DLG2: variants seen among roughly 807,000 people sequenced by gnomAD.
The protein encoded by DLG2 is disks large homolog 2.
DLG2 carries 45 observed loss-of-function variants against 132.5 expected under a neutral mutation model. The observed-to-expected ratio is 0.34, with a 90% confidence interval of 0.27 to 0.44. The LOEUF is 0.44. DLG2 is among the 20% of genes least tolerant of loss of function. The pLI, the probability that DLG2 is intolerant of heterozygous loss-of-function variation, is 1.00. For synonymous variants in DLG2, 424 were observed against 419.6 expected, an observed-to-expected ratio of 1.01 and a Z score of -0.13; for missense variants, 1,045 against 1,196.9, an observed-to-expected ratio of 0.87 and a Z score of 1.87.
chr11:83,890,342 A>G (rs895947295), intron 15 of DLG2, among the ~76,000 whole-genome samples: 1 of 151,866 alleles, frequency 6.6e-6, no homozygotes. Flanking sequence ...TTTTTGGAAA[A>G]AAGGGCAGAG....
intron 6 of DLG2, among the ~76,000 whole-genome samples, chr11:85,084,445 A>G (rs1001312563): frequency 7.2e-5 from 11 of 152,184 alleles, no homozygotes; most frequent in African/African-American, 2.7e-4. Context: ...GTTGAGAGCA[A>G]GAGTGTAGTT....
intron 18 of DLG2, among the ~76,000 whole-genome samples, chr11:83,773,169 A>G (rs2153794206): frequency 6.6e-6 from 1 of 152,344 alleles, no homozygotes; most frequent in East Asian, 1.9e-4. Context: ...ATGGAACCAG[A>G]GCATCTGGGT....
chr11:83,994,087 GACC>G (rs1044115954), intron 11 of DLG2, among the ~76,000 whole-genome samples: 1 of 150,340 alleles, frequency 6.7e-6, no homozygotes, highest in Admixed American at 6.6e-5. Flanking sequence ...TCTCTCCACT[GACC>G]ACATCTAACG....
intron 19 of DLG2, among the ~76,000 whole-genome samples, chr11:83,616,834 T>G (rs916799279): frequency 1.3e-5 from 2 of 152,198 alleles, no homozygotes; most frequent in Admixed American, 6.5e-5. Flanking sequence ...TAGTGTGAGG[T>G]TGGGTCAAGA....
chr11:83,636,182 C>T (rs954868391), intron 18 of DLG2, among the ~76,000 whole-genome samples: 1 of 152,160 alleles, frequency 6.6e-6, no homozygotes, highest in Non-Finnish European at 1.5e-5. Flanking sequence ...AAGTCCCAAC[C>T]CTCATTTAAT....
intron 11 of DLG2, among the ~76,000 whole-genome samples, chr11:84,044,245 C>T (rs1463577393): frequency 6.6e-6 from 1 of 151,796 alleles, no homozygotes; most frequent in Non-Finnish European, 1.5e-5. Flanking sequence ...CATTAGAACA[C>T]CACCTAATAC....
At chr11:84,689,982 C>T (rs1228466520) in intron 6 of DLG2, among the ~76,000 whole-genome samples, 2 of 151,890 alleles carry the variant, frequency 1.3e-5, no homozygotes, top group African/African-American at 4.8e-5. Flanking sequence ...ACCTGGAGGA[C>T]ATTATGCTAA....
At chr11:83,960,561 G>A (rs1457013063) in intron 14 of DLG2, among the ~76,000 whole-genome samples, 1 of 151,706 alleles carries the variant, frequency 6.6e-6, no homozygotes, top group African/African-American at 2.4e-5. Flanking sequence ...AATAAATTAG[G>A]CTTTGTGGAA....
intron 16 of DLG2, among the ~76,000 whole-genome samples, chr11:83,838,047 C>G (rs891076455): frequency 7.5e-5 from 11 of 146,086 alleles, no homozygotes; most frequent in Admixed American, 2.7e-4. Context: ...CTATATAGTA[C>G]ATATAGATGG....
intron 7 of DLG2, among the ~76,000 whole-genome samples, chr11:84,517,054 A>C (rs2099275755): frequency 9.4e-6 from 1 of 106,724 alleles, no homozygotes; most frequent in Admixed American, 9.4e-5. Context: ...TAAATATTCT[A>C]TCCTAAAAAA....
At chr11:84,988,377 G>A (rs1302944211) in intron 6 of DLG2, among the ~76,000 whole-genome samples, 1 of 152,164 alleles carries the variant, frequency 6.6e-6, no homozygotes, top group Non-Finnish European at 1.5e-5. Context: ...CTACCCAGAG[G>A]AAAAGAAGTC....
At chr11:83,860,413 G>A (rs1420596472) in intron 16 of DLG2, among the ~76,000 whole-genome samples, 1 of 152,142 alleles carries the variant, frequency 6.6e-6, no homozygotes, top group Admixed American at 6.5e-5. Flanking sequence ...GGAGTCAAAG[G>A]AGCCCATTTT....
intron 16 of DLG2, among the ~76,000 whole-genome samples, chr11:83,843,835 G>A (rs920650837): frequency 1.3e-5 from 2 of 152,044 alleles, no homozygotes. Flanking sequence ...ATATTGAGAT[G>A]CTATTTCCAG....
At chr11:85,206,379 T>C (rs1565157224) in intron 4 of DLG2, among the ~76,000 whole-genome samples, 1 of 152,190 alleles carries the variant, frequency 6.6e-6, no homozygotes, top group Non-Finnish European at 1.5e-5. Flanking sequence ...TGAAGCCAGA[T>C]AGACCTGGGT....
chr11:84,348,740 G>C (rs1022255096), intron 7 of DLG2, among the ~76,000 whole-genome samples: 4 of 152,152 alleles, frequency 2.6e-5, no homozygotes, highest in African/African-American at 9.7e-5. Context: ...ATTAGAGTGA[G>C]CCCTAATCCA....
At chr11:85,048,695 A>G (rs1323085549) in intron 6 of DLG2, among the ~76,000 whole-genome samples, 1 of 151,990 alleles carries the variant, frequency 6.6e-6, no homozygotes, top group Non-Finnish European at 1.5e-5. Context: ...GGACAATGTA[A>G]ATTAGGGTCC....
chr11:84,895,736 G>T (rs904679591), intron 6 of DLG2, among the ~76,000 whole-genome samples: 15 of 152,094 alleles, frequency 9.9e-5, no homozygotes, highest in Non-Finnish European at 1.5e-4. Flanking sequence ...TAGTTATTGG[G>T]TATTGACTAA....
chr11:83,930,770 G>A (rs539277005), intron 14 of DLG2, among the ~76,000 whole-genome samples: 3 of 152,246 alleles, frequency 2.0e-5, no homozygotes, highest in African/African-American at 7.2e-5. Flanking sequence ...AAGGAAGCTC[G>A]TTTAGCCAGA....
Position 83,941,881 on chromosome 11 carries a change from A to C in DLG2, c.1341-11398T>G, listed in dbSNP as rs150770174. On this transcript the variant is annotated intron_variant, in intron 14 of 27. Transcript: ENST00000376104. The stretch of plus-strand genomic sequence containing the variant: ...ATTATGCCACTGCTTTTATTTTTAA[A>C]TTTCACATTGGATATTAGACGTTTT... Among the ~76,000 whole-genome samples, 54 of 152,322 alleles carry C rather than the reference A, an allele frequency of 3.5e-4. 1 individual carries two copies. Among genetic ancestry groups the C allele is most frequent in the South Asian group, 2.7e-3 (13 of 4,832 alleles).
Sources: gnomAD v4.1 joint callset for allele counts (sites outside exome capture counted in the v4.1 genomes callset) on GRCh38, gnomAD v4.1.1 for gene constraint, MANE v1.5 for transcripts, NCBI Gene and HGNC (gene_info 2026-07-23, HGNC 2026-07-21) for gene names.